UBE2W: variants seen among roughly 807,000 people sequenced by gnomAD.
The protein encoded by UBE2W is ubiquitin-conjugating enzyme E2 W.
Under a neutral mutation model 27.2 loss-of-function variants are expected in UBE2W, and 18 were observed. The observed-to-expected ratio is 0.66, with a 90% CI of 0.46 to 0.98. UBE2W has a LOEUF of 0.98. Ranked by LOEUF, UBE2W falls within the 50% of genes least tolerant of loss-of-function variation. UBE2W has a pLI of 0.00. For missense variants in UBE2W, 90 were observed against 180.2 expected, an observed-to-expected ratio of 0.50 and a Z score of 2.87; for synonymous variants, 53 against 57.2, an observed-to-expected ratio of 0.93 and a Z score of 0.33.
At position 73,788,000 on chromosome 8, in the gene UBE2W, T is replaced by C. The variant is rs1808031292; in HGVS notation, c.*6102A>G. On this transcript the variant is annotated 3_prime_UTR_variant, in exon 6 of 6. Coordinates refer to ENST00000602593, the MANE Select transcript of UBE2W (RefSeq NM_018299.6). ...GCACTCATTTTGGAAATGGACATGTTCCTGTTTCTATAATCCTTTAAAATT... is the reference window on the plus strand; with the variant it reads ...GCACTCATTTTGGAAATGGACATGTCCCTGTTTCTATAATCCTTTAAAATT... 1.0e-6 allele frequency: 1 copy of C among 985,298 alleles called. No individual in the cohort carries two copies. The highest frequency in any genetic ancestry group is 6.1e-5 in the Admixed American group (1 of 16,268). 61.0% of individuals were successfully genotyped at this position (985,298 alleles called of 1,614,324 possible). A position where few individuals can be genotyped will look rare whatever the true frequency, so the allele number is the denominator to read the frequency against.
At chr8:73,830,273 T>C in intron 2 of UBE2W, 108 bp downstream of exon 2, 1 of 779,368 alleles carries the variant, frequency 1.3e-6, no homozygotes, top group South Asian at 1.8e-5. Context: ...ATTTACCTCT[T>C]GGTGAAAGAA....
Position 73,804,879 on chromosome 8 carries a change from C to T in UBE2W, c.442+772G>A, listed in dbSNP as rs189004337. ...CAGTGGAATTAGCTGCAAGCCACCACGCCCATCTAATTTTTGTACTTTTAG... is the reference window on the plus strand; with the variant it reads ...CAGTGGAATTAGCTGCAAGCCACCATGCCCATCTAATTTTTGTACTTTTAG... On this transcript the variant is annotated intron_variant, in intron 5 of 5. Coordinates refer to ENST00000602593, the MANE Select transcript of UBE2W (RefSeq NM_018299.6). 6.7e-4 allele frequency among the ~76,000 whole-genome samples: 102 copies of T among 152,044 alleles called. 1 individual carries two copies. Among genetic ancestry groups the T allele is most frequent in the Non-Finnish European group, 1.1e-3 (76 of 67,992 alleles).
intron 1 of UBE2W, among the ~76,000 whole-genome samples, chr8:73,835,062 T>C (rs1810251130): frequency 6.6e-6 from 1 of 152,134 alleles, no homozygotes; most frequent in South Asian, 2.1e-4. Flanking sequence ...AGAACTTTAC[T>C]AAGTCAAGAA....
chr8:73,784,440 A>G (rs985023668), downstream of UBE2W, among the ~76,000 whole-genome samples: 1 of 152,174 alleles, frequency 6.6e-6, no homozygotes. Flanking sequence ...AGATCAGCAA[A>G]CCATATCAGA....
At chr8:73,796,234 C>T (rs1460290427) in intron 5 of UBE2W, among the ~76,000 whole-genome samples, 1 of 152,060 alleles carries the variant, frequency 6.6e-6, no homozygotes, top group East Asian at 1.9e-4. Context: ...CTGAAACTAA[C>T]ACTAAAACTA....
chr8:73,864,743 A>ATT (rs1437127629), intron 1 of UBE2W, among the ~76,000 whole-genome samples: 3 of 10,174 alleles, frequency 2.9e-4, no homozygotes, highest in Non-Finnish European at 1.8e-4. Flanking sequence ...TGTCCAGCAA[A>ATT]TTTTTTTGGG....
chr8:73,813,084 A>C (rs964533742), intron 3 of UBE2W, among the ~76,000 whole-genome samples: 3 of 12,410 alleles, frequency 2.4e-4, no homozygotes, highest in African/African-American at 5.0e-4. Flanking sequence ...AAAGTGCCAC[A>C]AAAAAAAAAA....
Position 73,788,559 on chromosome 8 carries a change from G to T in UBE2W, c.*5543C>A, listed in dbSNP as rs563927040. ...TAACTATGAAAAGATGCATTTTCAT[G>T]GTATCTGACACAATTTACCAAGTTC... On this transcript the variant is annotated 3_prime_UTR_variant, in exon 6 of 6. Coordinates refer to ENST00000602593, the MANE Select transcript of UBE2W (RefSeq NM_018299.6). The T allele has an allele frequency of 7.1e-6, 7 of 985,320 alleles. No individual in the cohort carries two copies. The East Asian group carries it at 5.7e-4, about 80-fold the overall frequency. The allele number at this position is 985,320 out of a possible 1,614,324, so 61.0% of individuals were successfully genotyped here.
intron 1 of UBE2W, among the ~76,000 whole-genome samples, chr8:73,857,555 C>T (rs1419544497): frequency 2.6e-5 from 4 of 152,194 alleles, no homozygotes; most frequent in Non-Finnish European, 5.9e-5. Flanking sequence ...CAGTGGCTCA[C>T]ACCTGTAATC....
In UBE2W at chr8:73,788,993, C is replaced by A. The variant is rs1336693712; in HGVS notation, c.*5109G>T. 5 of 982,484 alleles carry A rather than the reference C, an allele frequency of 5.1e-6. No homozygotes were observed. The highest frequency in any genetic ancestry group is 4.8e-6 in the Non-Finnish European group (4 of 827,710). 60.9% of individuals were successfully genotyped at this position (982,484 alleles called of 1,614,324 possible). On this transcript the variant is annotated 3_prime_UTR_variant, in exon 6 of 6. Transcript: ENST00000602593. Reference sequence around the variant, plus strand: ...TTTCATAAAAAAATAGTCATTTAATCATTCTAGAGACTCATCACAAAATAC... The same window carrying A: ...TTTCATAAAAAAATAGTCATTTAATAATTCTAGAGACTCATCACAAAATAC...
intron 1 of UBE2W, chr8:73,870,168 T>A: frequency 8.3e-7 from 1 of 1,207,342 alleles, no homozygotes; most frequent in South Asian, 1.3e-5. Flanking sequence ...GAAGAAAAAA[T>A]TGTGCATTAA....
intron 1 of UBE2W, among the ~76,000 whole-genome samples, chr8:73,869,492 A>C (rs1234009629): frequency 1.3e-5 from 2 of 152,146 alleles, no homozygotes; most frequent in African/African-American, 4.8e-5. Flanking sequence ...GAAGTAAGAG[A>C]CCAGATTGGC....
intron 3 of UBE2W, among the ~76,000 whole-genome samples, chr8:73,812,763 C>T (rs1270146894): frequency 6.6e-6 from 1 of 151,880 alleles, no homozygotes; most frequent in Non-Finnish European, 1.5e-5. Flanking sequence ...AGCACTTTGG[C>T]AGGCCGAGGT....
chr8:73,821,816 C>T (rs1809627501), intron 3 of UBE2W, among the ~76,000 whole-genome samples: 1 of 152,080 alleles, frequency 6.6e-6, no homozygotes, highest in Admixed American at 6.5e-5. Flanking sequence ...GTCTGGGCAA[C>T]ATGGCAAGAC....
intron 1 of UBE2W, among the ~76,000 whole-genome samples, chr8:73,851,943 G>GTC (rs201545050): frequency 5.3e-4 from 69 of 131,338 alleles, no homozygotes; most frequent in African/African-American, 1.9e-3. Context: ...GTAAGACCCA[G>GTC]TCTCTCTTTT....
chr8:73,824,927 G>T (rs1809772410), intron 3 of UBE2W, among the ~76,000 whole-genome samples: 1 of 152,120 alleles, frequency 6.6e-6, no homozygotes, highest in Non-Finnish European at 1.5e-5. Flanking sequence ...AGCATTTATG[G>T]ATAAGCAACA....
intron 1 of UBE2W, among the ~76,000 whole-genome samples, chr8:73,833,241 A>G (rs965590204): frequency 2.1e-4 from 31 of 150,848 alleles, no homozygotes; most frequent in Admixed American, 2.0e-3. Context: ...AAAGAATGTC[A>G]TTTCACAGAC....
intron 2 of UBE2W, among the ~76,000 whole-genome samples, chr8:73,826,155 A>G (rs544471774): frequency 2.7e-4 from 41 of 152,344 alleles, no homozygotes; most frequent in African/African-American, 3.4e-4. Context: ...CTATGTTTCA[A>G]TTGTTTAATA....
Position 73,790,977 on chromosome 8 carries a change from T to C in UBE2W, c.*3125A>G. ...GGAAAAGGTAATAAACTATTCTAGT[T>C]ATTTTATACCAAATATTGATATTCC... On this transcript the variant is annotated 3_prime_UTR_variant, in exon 6 of 6. Coordinates refer to ENST00000602593, the MANE Select transcript of UBE2W (RefSeq NM_018299.6). The C allele has an allele frequency of 1.0e-6, 1 of 981,488 alleles. No individual in the cohort carries two copies. The highest frequency in any genetic ancestry group is 1.2e-6 in the Non-Finnish European group (1 of 826,394). 60.8% of individuals were successfully genotyped at this position (981,488 alleles called of 1,614,324 possible). A position where few individuals can be genotyped will look rare whatever the true frequency, so the allele number is the denominator to read the frequency against.
Sources: gnomAD v4.1 joint callset for allele counts (sites outside exome capture counted in the v4.1 genomes callset) on GRCh38, gnomAD v4.1.1 for gene constraint, MANE v1.5 for transcripts, NCBI Gene and HGNC (gene_info 2026-07-23, HGNC 2026-07-21) for gene names.